INTS7: variants seen among roughly 807,000 people sequenced by gnomAD.
INTS7 encodes integrator complex subunit 7.
In INTS7, 46 loss-of-function variants were observed where a neutral mutation model predicts 109.2. That is an observed-to-expected ratio of 0.42 (90% CI 0.33 to 0.54). The LOEUF is 0.54. Among genes scored for constraint, INTS7 ranks in the 20% least tolerant of loss-of-function variants. INTS7 has a pLI of 0.07. For missense variants in INTS7, 929 were observed against 1,132.4 expected (o/e 0.82, Z 2.58); for synonymous variants, 412 against 402.9 (o/e 1.02, Z -0.27).
rs371868827 is a variant in INTS7, at chr1:212,025,659, T to C, written c.95-4447A>G. The C allele has an allele frequency of 4.0e-4, 79 of 198,176 alleles. No individual in the cohort carries two copies. In the East Asian group the frequency reaches 8.3e-3, roughly 21 times the overall value. 12.3% of individuals were successfully genotyped at this position (198,176 alleles called of 1,614,324 possible). On this transcript the variant is annotated intron_variant, in intron 1 of 19. Coordinates refer to ENST00000366994, the MANE Select transcript of INTS7 (RefSeq NM_015434.4). The stretch of plus-strand genomic sequence containing the variant: ...GAGAAGAGACTGGAAAACTCCTCTC[T>C]GGATCCTGCCTGGAGTCACAGCTGT...
chr1:211,960,842 G>A (rs190621784), intron 16 of INTS7, among the ~76,000 whole-genome samples: 7 of 152,020 alleles, frequency 4.6e-5, no homozygotes, highest in Non-Finnish European at 4.4e-5. Flanking sequence ...TTGAAATCCC[G>A]TCTTTACTAA....
intron 16 of INTS7, among the ~76,000 whole-genome samples, chr1:211,962,553 A>G (rs1407544716): frequency 6.6e-6 from 1 of 152,168 alleles, no homozygotes; most frequent in African/African-American, 2.4e-5. Flanking sequence ...AGAACTCTCC[A>G]CCCAAAAACA....
At chr1:211,994,095 A>G (rs1484651508) in intron 7 of INTS7, among the ~76,000 whole-genome samples, 1 of 152,156 alleles carries the variant, frequency 6.6e-6, no homozygotes, top group Non-Finnish European at 1.5e-5. Flanking sequence ...GTAACAAAAG[A>G]AGGAAAGACA....
At chr1:212,015,291 GA>G (rs1277213499) in intron 4 of INTS7, among the ~76,000 whole-genome samples, 1 of 152,222 alleles carries the variant, frequency 6.6e-6, no homozygotes, top group African/African-American at 2.4e-5. Flanking sequence ...GGAAAAGAAA[GA>G]AAGATCAGAT....
At chr1:212,010,786 A>C (rs1666133909) in intron 5 of INTS7, among the ~76,000 whole-genome samples, 1 of 152,192 alleles carries the variant, frequency 6.6e-6, no homozygotes, top group South Asian at 2.1e-4. Flanking sequence ...AATAGGCTAT[A>C]CCATACAGCC....
chr1:212,007,910 C>T (rs1666005924), intron 5 of INTS7, among the ~76,000 whole-genome samples: 1 of 152,122 alleles, frequency 6.6e-6, no homozygotes, highest in Non-Finnish European at 1.5e-5. Context: ...GTCCTCTGAA[C>T]TTTGTGTAGT....
At chr1:212,025,689 G>C (rs61828538) in intron 1 of INTS7, 1 of 132,160 alleles carries the variant, frequency 7.6e-6, no homozygotes, top group Non-Finnish European at 1.7e-5. Context: ...AGCTGTACCA[G>C]GAAAAAAAAA....
At chr1:212,012,295 A>G (rs1407590837) in intron 4 of INTS7, among the ~76,000 whole-genome samples, 1 of 152,182 alleles carries the variant, frequency 6.6e-6, no homozygotes, top group African/African-American at 2.4e-5. Flanking sequence ...AACAGGATTA[A>G]ATAAATTCTA....
At position 211,941,186 on chromosome 1, in the gene INTS7, G is replaced by A. The variant is rs1237525696; in HGVS notation, c.*638C>T. The A allele has an allele frequency of 6.6e-6, 1 of 152,382 alleles. No individual in the cohort carries two copies. Among genetic ancestry groups the A allele is most frequent in the Non-Finnish European group, 1.5e-5 (1 of 68,264 alleles). 9.4% of individuals were successfully genotyped at this position (152,382 alleles called of 1,614,324 possible). ...CCCAATGAACAACTCAGAATCCTAGGTCTAAGTCAGGCAGCAAATGATGTA... is the reference window on the plus strand; with the variant it reads ...CCCAATGAACAACTCAGAATCCTAGATCTAAGTCAGGCAGCAAATGATGTA... On this transcript the variant is annotated 3_prime_UTR_variant, in exon 20 of 20. Coordinates refer to ENST00000366994, the MANE Select transcript of INTS7 (RefSeq NM_015434.4).
intron 13 of INTS7, among the ~76,000 whole-genome samples, chr1:211,973,564 G>C (rs1045036499): frequency 1.3e-5 from 2 of 152,020 alleles, no homozygotes; most frequent in Non-Finnish European, 2.9e-5. Flanking sequence ...AAGTTAAAAG[G>C]GGCAGCCCAT....
chr1:212,009,454 G>A lies in INTS7; in HGVS notation c.556+1921C>T, dbSNP rs534149142. On this transcript the variant is annotated intron_variant, in intron 5 of 19. Coordinates refer to ENST00000366994, the MANE Select transcript of INTS7 (RefSeq NM_015434.4). ...TTAACCAATGGAGAGCCCAGCAGGAGTTGCAGAGAAGAATGAGGTCAGAGT... is the reference window on the plus strand; with the variant it reads ...TTAACCAATGGAGAGCCCAGCAGGAATTGCAGAGAAGAATGAGGTCAGAGT... Among the ~76,000 whole-genome samples the A allele has an allele frequency of 2.0e-5, 3 of 152,274 alleles. No homozygotes were observed. The East Asian group carries it at 5.8e-4, about 29-fold the overall frequency.
chr1:211,941,513 A>G lies in INTS7; in HGVS notation c.*311T>C. On this transcript the variant is annotated 3_prime_UTR_variant, in exon 20 of 20. Coordinates refer to ENST00000366994, the MANE Select transcript of INTS7 (RefSeq NM_015434.4). The stretch of plus-strand genomic sequence containing the variant: ...GCTGGGACTACAGGCGCCTGCCACC[A>G]TGCTTGGCTAATTTTTTTGTATTTT... The G allele has an allele frequency of 3.8e-6, 1 of 265,542 alleles. No homozygotes were observed. Among genetic ancestry groups the G allele is most frequent in the Non-Finnish European group, 7.2e-6 (1 of 139,684 alleles). The allele number at this position is 265,542 out of a possible 1,614,324, so 16.4% of individuals were successfully genotyped here. A position where few individuals can be genotyped will look rare whatever the true frequency, so the allele number is the denominator to read the frequency against.
intron 18 of INTS7, 75 bp from the exon 19 acceptor site, chr1:211,945,044 C>G (rs1662792937): frequency 2.8e-6 from 4 of 1,425,110 alleles, no homozygotes; most frequent in South Asian, 1.2e-5. Context: ...CTGTGCTAAT[C>G]ACTGGTTACA....
At position 212,019,483 on chromosome 1, in the gene INTS7, G is replaced by A. The variant is rs192655136; in HGVS notation, c.371+639C>T. Among the ~76,000 whole-genome samples, 24 of 152,214 alleles carry A rather than the reference G, an allele frequency of 1.6e-4. No individual in the cohort carries two copies. The East Asian group carries it at 3.9e-3, about 24-fold the overall frequency. ...AAACTTCCTGGTTAAAAAGAAGACT[G>A]TCTGGGCAGGCTAGGTCAGAAATGA... On this transcript the variant is annotated intron_variant, in intron 3 of 19. Coordinates refer to ENST00000366994, the MANE Select transcript of INTS7 (RefSeq NM_015434.4).
chr1:211,988,063 C>T, intron 7 of INTS7, 60 bp from the exon 8 acceptor site: 1 of 799,528 alleles, frequency 1.3e-6, no homozygotes. Context: ...TCTAAACTGT[C>T]TACTCCATTT....
intron 17 of INTS7, 52 bp downstream of exon 17, chr1:211,952,517 T>C: frequency 6.3e-7 from 1 of 1,578,256 alleles, no homozygotes; most frequent in Non-Finnish European, 8.6e-7. Context: ...CATAAATGTA[T>C]GAAAAACCCA....
intron 1 of INTS7, chr1:212,025,510 A>C (rs1196410090): frequency 6.6e-6 from 1 of 152,092 alleles, no homozygotes; most frequent in Non-Finnish European, 1.5e-5. Context: ...CCAAGAAAAA[A>C]GAGTTAATAT....
intron 16 of INTS7, among the ~76,000 whole-genome samples, chr1:211,965,501 T>C (rs1663832366): frequency 6.6e-6 from 1 of 152,168 alleles, no homozygotes; most frequent in Non-Finnish European, 1.5e-5. Flanking sequence ...GGCACACATA[T>C]GTTCACTGCA....
At chr1:212,027,448 C>G (rs1449937740) in intron 1 of INTS7, among the ~76,000 whole-genome samples, 2 of 152,128 alleles carry the variant, frequency 1.3e-5, no homozygotes, top group Non-Finnish European at 2.9e-5. Context: ...GCTATACCTA[C>G]ATTTTATTTT....
Sources: allele counts gnomAD v4.1 joint callset (sites outside exome capture counted in the v4.1 genomes callset), GRCh38; gene constraint gnomAD v4.1.1; transcripts MANE v1.5; gene names NCBI Gene and HGNC (gene_info 2026-07-23, HGNC 2026-07-21).